VPS13C: variants seen among roughly 807,000 people sequenced by gnomAD.
The protein encoded by VPS13C is intermembrane lipid transfer protein VPS13C.
In VPS13C, 358 loss-of-function variants were observed where a neutral mutation model predicts 456.8. The ratio of observed to expected loss-of-function variants is 0.78; its 90% CI spans 0.72 to 0.86. VPS13C has a LOEUF of 0.86. Ranked by LOEUF, VPS13C falls within the 40% of genes least tolerant of loss-of-function variation. The pLI is 0.00. For synonymous variants in VPS13C, 1,578 were observed against 1,486.7 expected (o/e 1.06, Z -1.41); for missense variants, 4,818 against 4,385.4 (o/e 1.10, Z -2.79).
chr15:61,946,436 C>G (rs367646436), intron 43 of VPS13C, 26 bp from the exon 44 acceptor site: 1 of 1,546,402 alleles, frequency 6.5e-7, no homozygotes, highest in African/African-American at 1.4e-5. Flanking sequence ...CATTTATAAA[C>G]TTTTCACCCA....
intron 63 of VPS13C, 89 bp from the exon 64 acceptor site, chr15:61,910,394 C>G (rs1004782291): frequency 2.9e-6 from 3 of 1,049,022 alleles, no homozygotes; most frequent in Non-Finnish European, 3.7e-6. Context: ...AATTCTGATT[C>G]TGATCTTGAT....
At chr15:61,866,017 T>A (rs1451577725) in intron 81 of VPS13C, 1 of 983,756 alleles carries the variant, frequency 1.0e-6, no homozygotes, top group Non-Finnish European at 1.2e-6. Context: ...TCTAATACTC[T>A]TTAATATTTC....
At chr15:61,964,661 A>G in intron 31 of VPS13C, 38 bp downstream of exon 31, 1 of 1,557,320 alleles carries the variant, frequency 6.4e-7, no homozygotes, top group Non-Finnish European at 8.7e-7. Flanking sequence ...GAATTCTAAA[A>G]CCCTTGCTAA....
intron 16 of VPS13C, among the ~76,000 whole-genome samples, chr15:61,997,631 G>C (rs996455158): frequency 6.6e-6 from 1 of 151,908 alleles, no homozygotes; most frequent in Non-Finnish European, 1.5e-5. Flanking sequence ...CCTTCCAACT[G>C]CTCCAAGTCA....
At chr15:61,912,859 T>C in intron 62 of VPS13C, among the ~76,000 whole-genome samples, 1 of 145,104 alleles carries the variant, frequency 6.9e-6, no homozygotes, top group East Asian at 2.1e-4. Context: ...GTTCTCATTG[T>C]TCAATTCCTA....
rs767372414 is a variant in VPS13C at position 61,907,262 on chromosome 15, A to G, written c.9105+2T>C. The G allele has an allele frequency of 6.2e-7, 1 of 1,613,684 alleles. No homozygotes were observed. The highest frequency in any genetic ancestry group is 8.5e-7 in the Non-Finnish European group (1 of 1,179,634). On this transcript the variant is annotated splice_donor_variant, in intron 66 of 84. Transcript: ENST00000644861. LOFTEE classifies it high-confidence loss of function. Reference sequence around the variant, plus strand: ...ATAGCACTCATTCACATCAAAAGATACCTTTAACAGATCATGTTCCCCAAC... The same window carrying G: ...ATAGCACTCATTCACATCAAAAGATGCCTTTAACAGATCATGTTCCCCAAC...
intron 48 of VPS13C, among the ~76,000 whole-genome samples, chr15:61,935,080 A>G (rs1203891429): frequency 2.6e-5 from 4 of 152,080 alleles, no homozygotes; most frequent in Admixed American, 2.6e-4. Flanking sequence ...ATATTACCCA[A>G]TCCATTTTCT....
chr15:61,854,277 T>A lies in VPS13C; in HGVS notation c.*180A>T. 1.6e-6 allele frequency: 1 copy of A among 630,276 alleles called. No individual in the cohort carries two copies. The highest frequency in any genetic ancestry group is 2.8e-6 in the Non-Finnish European group (1 of 357,422). The allele number at this position is 630,276 out of a possible 1,614,324, so 39.0% of individuals were successfully genotyped here. On this transcript the variant is annotated 3_prime_UTR_variant, in exon 85 of 85. Coordinates refer to ENST00000644861, the MANE Select transcript of VPS13C (RefSeq NM_020821.3). ...AAGTGGACTGCTAGCATATACATGG[T>A]TACAAAATTAGAGTAAAAACTAAAA...
intron 27 of VPS13C, among the ~76,000 whole-genome samples, chr15:61,970,042 T>C (rs1212435516): frequency 6.6e-6 from 1 of 152,092 alleles, no homozygotes; most frequent in Non-Finnish European, 1.5e-5. Context: ...TCCGGTGTCA[T>C]AAAAGACCAC....
At chr15:61,934,367 C>A (rs771778150) in intron 48 of VPS13C, 36 bp from the exon 49 acceptor site, 22 of 1,161,210 alleles carry the variant, frequency 1.9e-5, no homozygotes, top group East Asian at 2.7e-5. Flanking sequence ...TAAGTAGGTA[C>A]GTAATTTTAT....
chr15:61,942,155 T>C (rs2044449682), intron 45 of VPS13C, 88 bp from the exon 46 acceptor site: 2 of 1,169,366 alleles, frequency 1.7e-6, no homozygotes, highest in African/African-American at 1.6e-5. Context: ...AAAAACTAAA[T>C]AAAAAAGTAA....
intron 66 of VPS13C, among the ~76,000 whole-genome samples, chr15:61,902,152 C>G (rs903952776): frequency 2.0e-5 from 3 of 150,482 alleles, no homozygotes; most frequent in Non-Finnish European, 3.0e-5. Flanking sequence ...GGGAGATATA[C>G]CTAATGCTAG....
At chr15:61,977,364 C>A (rs749519080) in intron 23 of VPS13C, among the ~76,000 whole-genome samples, 165 bp from the exon 24 acceptor site, 1 of 151,914 alleles carries the variant, frequency 6.6e-6, no homozygotes, top group Non-Finnish European at 1.5e-5. Flanking sequence ...CTTCTTTCAG[C>A]GTATCAGTTA....
intron 66 of VPS13C, among the ~76,000 whole-genome samples, chr15:61,903,625 T>C (rs1422547931): frequency 2.0e-5 from 3 of 152,108 alleles, no homozygotes; most frequent in African/African-American, 4.8e-5. Flanking sequence ...AAAATACCAA[T>C]GATATTATTC....
intron 79 of VPS13C, among the ~76,000 whole-genome samples, chr15:61,870,219 T>TC (rs1188677584): frequency 6.6e-6 from 1 of 152,020 alleles, no homozygotes; most frequent in Non-Finnish European, 1.5e-5. Flanking sequence ...CCATTAGCAA[T>TC]CATTCCCTAT....
At chr15:61,907,012 A>T in intron 66 of VPS13C, 1 of 375,726 alleles carries the variant, frequency 2.7e-6, no homozygotes. Context: ...TAAATTAATT[A>T]AAAAGGTGCT....
Position 61,947,276 on chromosome 15 carries a change from T to C in VPS13C, c.4793A>G (p.Asp1598Gly). 6.2e-7 allele frequency: 1 copy of C among 1,609,082 alleles called. No homozygotes were observed. Among genetic ancestry groups the C allele is most frequent in the Non-Finnish European group, 8.5e-7 (1 of 1,178,382 alleles). Residue 1598 changes from aspartate to glycine, a missense_variant, in exon 43 of 85, where the codon GAT becomes GGT. Asp to Gly is a moderately conservative substitution (Grantham distance 94, BLOSUM62 -1). This residue lies in a region of VPS13C where 4,552 missense variants were observed against 4,130.6 expected (regional missense o/e 1.10). Coordinates refer to ENST00000644861, the MANE Select transcript of VPS13C (RefSeq NM_020821.3). ...SSNISQKDVFDLKITAELNAF... is the reference protein window; with the variant it reads ...SSNISQKDVFGLKITAELNAF... ...ATTTAATTCAGCTGTGATCTTTAAA[T>C]CAAACACATCCTTTTGGGAAATGTT...
chr15:61,881,948 G>A (rs932979898), intron 69 of VPS13C, 120 bp from the exon 70 acceptor site: 8 of 853,390 alleles, frequency 9.4e-6, no homozygotes, highest in African/African-American at 5.2e-5. Flanking sequence ...GTGTATATGC[G>A]GTGTAATTAG....
In VPS13C at chr15:61,934,215, A is replaced by G. The variant is rs1238064527; in HGVS notation, c.5868+4T>C. On this transcript the variant is annotated splice_donor_region_variant and intron_variant, in intron 49 of 84. Coordinates refer to ENST00000644861, the MANE Select transcript of VPS13C (RefSeq NM_020821.3). ...ATTTCTAATTACAGAAATGTATTAC[A>G]TACCTGGTTGATATCATTGTTATAA... The G allele has an allele frequency of 7.7e-6, 12 of 1,551,332 alleles. No homozygotes were observed. The highest frequency in any genetic ancestry group is 8.8e-6 in the Non-Finnish European group (10 of 1,140,582).
Sources: gnomAD v4.1 joint callset for allele counts (sites outside exome capture counted in the v4.1 genomes callset) on GRCh38, gnomAD v4.1.1 for gene constraint, gnomAD v4.1.1 regional missense constraint, MANE v1.5 for transcripts, NCBI Gene and HGNC (gene_info 2026-07-23, HGNC 2026-07-21) for gene names.